The following ELAVL2 variants were observed in gnomAD, a reference collection of about 807,000 sequenced individuals.
ELAVL2 encodes the protein ELAV like RNA binding protein 2, also known as ELAV-like protein 2.
In ELAVL2, 4 loss-of-function variants were observed where a neutral mutation model predicts 34.6. That is an observed-to-expected ratio of 0.12 (90% CI 0.06 to 0.26). The LOEUF (loss-of-function observed/expected upper bound fraction) is 0.26, where lower values mean the gene tolerates loss of function less well. Among genes scored for constraint, ELAVL2 ranks in the 10% least tolerant of loss-of-function variants. The probability of loss-of-function intolerance (pLI) is 1.00; values close to 1 mark genes in which losing one functional copy is unlikely to be tolerated. For missense variants in ELAVL2, 432 were observed against 442.8 expected (o/e 0.98, Z 0.22); for synonymous variants, 193 against 154.8 (o/e 1.25, Z -1.83).
In ELAVL2 at chr9:23,796,870, A is replaced by G. The variant is rs561669204; in HGVS notation, c.-16+28936T>C. ...AGTCATGGAATATACTAGAGAAAATAGATTCTGACTTGCTTATCTCTTCAT... is the reference window on the plus strand; with the variant it reads ...AGTCATGGAATATACTAGAGAAAATGGATTCTGACTTGCTTATCTCTTCAT... On this transcript the variant is annotated intron_variant, in intron 1 of 6. Transcript: ENST00000397312. Among the ~76,000 whole-genome samples the G allele has an allele frequency of 7.2e-5, 11 of 152,370 alleles. No individual in the cohort carries two copies. In the South Asian group the frequency reaches 2.1e-3, roughly 29 times the overall value.
At chr9:23,798,349 G>GT (rs1179873879) in intron 1 of ELAVL2, among the ~76,000 whole-genome samples, 18 of 152,122 alleles carry the variant, frequency 1.2e-4, no homozygotes, top group Admixed American at 1.1e-3. Flanking sequence ...GCCAGACTGC[G>GT]TGAGTTCTAA....
rs1394397752 is a variant in ELAVL2 at position 23,690,305 on chromosome 9, G to C, written c.*2252C>G. 6.6e-6 allele frequency: 1 copy of C among 152,584 alleles called. No homozygotes were observed. Among genetic ancestry groups the C allele is most frequent in the African/African-American group, 2.4e-5 (1 of 41,434 alleles). 9.5% of individuals were successfully genotyped at this position (152,584 alleles called of 1,614,324 possible). Reference sequence around the variant, plus strand: ...AAGTGCTCTGATAAAACACTGTAAAGTGAAGCACAATTTGCATGCCCTCTC... The same window carrying C: ...AAGTGCTCTGATAAAACACTGTAAACTGAAGCACAATTTGCATGCCCTCTC... On this transcript the variant is annotated 3_prime_UTR_variant, in exon 7 of 7. Coordinates refer to ENST00000397312, the MANE Select transcript of ELAVL2 (RefSeq NM_004432.5).
At position 23,701,596 on chromosome 9, in the gene ELAVL2, T is replaced by G. The variant is rs1232950651; in HGVS notation, c.496A>C (p.Arg166=). ...TCAAATCGAATAAACCCTACACCCC[T>G]TGATATGCCTATGGTAGATTTGAGT... ...ILVDQVTGIS[R]GVGFIRFDKR... Residue 166 remains arginine (R), a synonymous_variant, in exon 5 of 7, where the codon AGG becomes CGG. Transcript: ENST00000397312. 1 of 1,613,954 alleles carries G rather than the reference T, an allele frequency of 6.2e-7. No individual in the cohort carries two copies. The highest frequency in any genetic ancestry group is 8.5e-7 in the Non-Finnish European group (1 of 1,179,934).
chr9:23,777,300 C>T (rs2136585270), intron 1 of ELAVL2, among the ~76,000 whole-genome samples: 1 of 152,240 alleles, frequency 6.6e-6, no homozygotes, highest in East Asian at 1.9e-4. Context: ...GGAACCATGA[C>T]CCTGAACCCA....
intron 1 of ELAVL2, among the ~76,000 whole-genome samples, chr9:23,781,738 G>A (rs1048505595): frequency 5.3e-5 from 8 of 151,904 alleles, no homozygotes; most frequent in African/African-American, 1.9e-4. Flanking sequence ...TGCAACCCAG[G>A]CTGGAGTGCA....
intron 2 of ELAVL2, among the ~76,000 whole-genome samples, chr9:23,734,679 A>G (rs1316309167): frequency 6.6e-6 from 1 of 152,216 alleles, no homozygotes; most frequent in African/African-American, 2.4e-5. Context: ...TTATACAAAT[A>G]TCAGTTTTAC....
intron 2 of ELAVL2, among the ~76,000 whole-genome samples, chr9:23,731,731 C>T (rs1180860540): frequency 6.6e-6 from 1 of 151,622 alleles, no homozygotes; most frequent in Non-Finnish European, 1.5e-5. Flanking sequence ...TAGATAAGAA[C>T]AGGAAAATAT....
At chr9:23,694,847 G>T (rs1056468547) in intron 5 of ELAVL2, among the ~76,000 whole-genome samples, 7 of 152,072 alleles carry the variant, frequency 4.6e-5, no homozygotes, top group Non-Finnish European at 1.0e-4. Flanking sequence ...ATCTTCGTGT[G>T]TGAGTGTGTC....
intron 1 of ELAVL2, among the ~76,000 whole-genome samples, chr9:23,801,288 C>A (rs899882852): frequency 6.6e-6 from 1 of 152,090 alleles, no homozygotes; most frequent in African/African-American, 2.4e-5. Flanking sequence ...TGCTTTATTT[C>A]TTTTAAACTC....
intron 5 of ELAVL2, 95 bp from the exon 6 acceptor site, chr9:23,693,581 T>C: frequency 7.1e-7 from 1 of 1,401,656 alleles, no homozygotes; most frequent in Non-Finnish European, 1.0e-6. Flanking sequence ...CGAGGGGATA[T>C]CTGTACACTG....
chr9:23,757,346 A>T (rs1238973594), intron 2 of ELAVL2, among the ~76,000 whole-genome samples: 1 of 152,062 alleles, frequency 6.6e-6, no homozygotes, highest in Non-Finnish European at 1.5e-5. Context: ...AACAAGTGGC[A>T]AAGAGGAAAC....
At chr9:23,834,489 T>C in the ELAVL2 span, among the ~76,000 whole-genome samples, 2 of 152,094 alleles carry the variant, frequency 1.3e-5, no homozygotes, top group East Asian at 3.9e-4. Context: ...TAATTTAGAA[T>C]CACTGTGAGG....
chr9:23,693,279 T>C (rs1165528924), intron 6 of ELAVL2, among the ~76,000 whole-genome samples, 169 bp downstream of exon 6: 3 of 152,172 alleles, frequency 2.0e-5, no homozygotes, highest in African/African-American at 7.2e-5. Context: ...TCCGGTGGTA[T>C]AAAAATTTCT....
At chr9:23,817,521 AAT>A (rs1325158492) in intron 1 of ELAVL2, among the ~76,000 whole-genome samples, 3 of 152,188 alleles carry the variant, frequency 2.0e-5, no homozygotes, top group Non-Finnish European at 4.4e-5. Context: ...TCGTTGCAAA[AAT>A]AGTTATTTTT....
intron 1 of ELAVL2, among the ~76,000 whole-genome samples, chr9:23,785,761 G>T (rs1386774101): frequency 6.6e-6 from 1 of 152,178 alleles, no homozygotes; most frequent in Non-Finnish European, 1.5e-5. Flanking sequence ...ACCAGCTCCA[G>T]TCTGAGCAGA....
chr9:23,788,581 G>A (rs142859028), intron 1 of ELAVL2, among the ~76,000 whole-genome samples: 4 of 152,288 alleles, frequency 2.6e-5, no homozygotes, highest in African/African-American at 9.6e-5. Context: ...ATGTATATGT[G>A]ATCTCTCAGC....
intron 1 of ELAVL2, among the ~76,000 whole-genome samples, chr9:23,784,226 C>G (rs2059419681): frequency 6.6e-6 from 1 of 151,976 alleles, no homozygotes; most frequent in African/African-American, 2.4e-5. Context: ...ATGCTGGGCA[C>G]AGAGACTATA....
chr9:23,795,358 A>G (rs1040805188), intron 1 of ELAVL2, among the ~76,000 whole-genome samples: 8 of 152,122 alleles, frequency 5.3e-5, no homozygotes, highest in African/African-American at 1.9e-4. Context: ...AGCGTGGCCA[A>G]CATGGTAAAA....
chr9:23,779,768 GCAGAGACCAGGAGAAACT>G (rs2058782617), intron 1 of ELAVL2, among the ~76,000 whole-genome samples: 1 of 151,674 alleles, frequency 6.6e-6, no homozygotes, highest in Non-Finnish European at 1.5e-5. Flanking sequence ...GTGATTTCAA[GCAGAGACCAGGAGAAACT>G]ATACTTTTCA....
Sources: gnomAD v4.1 joint callset for allele counts (sites outside exome capture counted in the v4.1 genomes callset) on GRCh38, gnomAD v4.1.1 for gene constraint, MANE v1.5 for transcripts, NCBI Gene and HGNC (gene_info 2026-07-23, HGNC 2026-07-21) for gene names.